GABRR3: variants seen among roughly 807,000 people sequenced by gnomAD.
The protein encoded by GABRR3 is gamma-aminobutyric acid receptor subunit rho-3.
In GABRR3, 29 loss-of-function variants were observed where a neutral mutation model predicts 43.2. That is an observed-to-expected ratio of 0.67 (90% CI 0.50 to 0.92). GABRR3 has a LOEUF of 0.92. Among genes scored for constraint, GABRR3 ranks in the 40% least tolerant of loss-of-function variants. The pLI is 0.00. For missense variants in GABRR3, 576 were observed against 572.3 expected (o/e 1.01, Z -0.07); for synonymous variants, 206 against 195.9 (o/e 1.05, Z -0.43).
intron 4 of GABRR3, among the ~76,000 whole-genome samples, chr3:98,013,276 T>C (rs1309081155): frequency 1.3e-5 from 2 of 152,230 alleles, no homozygotes; most frequent in Non-Finnish European, 2.9e-5. Flanking sequence ...TTGTTACTGT[T>C]TATTCTTACA....
At chr3:98,024,413 A>C (rs1285679655) in intron 3 of GABRR3, among the ~76,000 whole-genome samples, 2 of 151,292 alleles carry the variant, frequency 1.3e-5, no homozygotes, top group Non-Finnish European at 2.9e-5. Context: ...CATGGATTTC[A>C]GGAAATTGAA....
chr3:98,018,227 C>T (rs1014543210), intron 3 of GABRR3, among the ~76,000 whole-genome samples: 6 of 152,200 alleles, frequency 3.9e-5, no homozygotes, highest in Middle Eastern at 3.4e-3. Context: ...TCCATTTGTG[C>T]TGTGGTTGGT....
intron 9 of GABRR3, among the ~76,000 whole-genome samples, chr3:97,990,898 A>T (rs1706458378): frequency 6.6e-6 from 1 of 152,198 alleles, no homozygotes; most frequent in Non-Finnish European, 1.5e-5. Flanking sequence ...ACACTACTGA[A>T]CTGCACACTT....
At chr3:98,009,193 C>A (rs1487944395) in intron 5 of GABRR3, 155 bp from the exon 6 acceptor site, 2 of 158,072 alleles carry the variant, frequency 1.3e-5, no homozygotes, top group East Asian at 3.8e-4. Flanking sequence ...AAATGACATG[C>A]AAGGAAGCAA....
chr3:97,992,869 A>C, exon 9 of GABRR3: 1 of 1,609,204 alleles, frequency 6.2e-7, no homozygotes, highest in Non-Finnish European at 8.5e-7. Context: ...GTCTTCTTGA[A>C]TTGTTTCCGC....
intron 7 of GABRR3, among the ~76,000 whole-genome samples, chr3:98,007,281 A>G (rs1706733444): frequency 6.6e-6 from 1 of 152,012 alleles, no homozygotes; most frequent in South Asian, 2.1e-4. Context: ...AAAGCACCCC[A>G]GGCAGAGGGA....
chr3:98,007,904 T>A lies in GABRR3; in HGVS notation c.614A>T (p.Tyr205Phe), dbSNP rs770119331. 5 of 1,553,740 alleles carry A rather than the reference T, an allele frequency of 3.2e-6. No individual in the cohort carries two copies. In the South Asian group the frequency reaches 4.8e-5, roughly 15 times the overall value. ...CATTAGGTCATCCTCATTGTAGGCATCTAAAACATGAAAATATCAGTCTTG... is the reference window on the plus strand; with the variant it reads ...CATTAGGTCATCCTCATTGTAGGCAACTAAAACATGAAAATATCAGTCTTG... The change falls in exon 7 of 10, where the codon TAT becomes TTT. Residue 205 changes from tyrosine (Y) to phenylalanine (F), a missense_variant and splice_region_variant. Coordinates refer to ENST00000621172, the Ensembl canonical transcript of GABRR3.
At chr3:98,005,640 T>C in intron 7 of GABRR3, among the ~76,000 whole-genome samples, 1 of 152,132 alleles carries the variant, frequency 6.6e-6, no homozygotes, top group East Asian at 1.9e-4. Flanking sequence ...CTGGTAGGGC[T>C]CAAAAAGTCT....
In GABRR3 at chr3:98,025,757, G is replaced by T. The variant is rs113723245; in HGVS notation, c.126-78C>A. 1.3e-3 allele frequency: 1,143 copies of T among 885,910 alleles called. 10 individuals carry two copies. In the African/African-American group the frequency reaches 0.016, roughly 13 times the overall value. The allele number at this position is 885,910 out of a possible 1,614,324, so 54.9% of individuals were successfully genotyped here. A position where few individuals can be genotyped will look rare whatever the true frequency, so the allele number is the denominator to read the frequency against. ...ATTTTGATTTAGGTTAGCCATCTGT[G>T]CTCAACATAACATGTTCTGAAATAC... On this transcript the variant is annotated intron_variant, in intron 2 of 9. Transcript: ENST00000621172.
chr3:97,989,946 C>G (rs772775906), intron 9 of GABRR3, among the ~76,000 whole-genome samples: 15 of 152,148 alleles, frequency 9.9e-5, no homozygotes, highest in Non-Finnish European at 1.5e-5. Flanking sequence ...ACAACTGGCT[C>G]TCTCTCTAAT....
intron 8 of GABRR3, among the ~76,000 whole-genome samples, chr3:97,995,870 T>C (rs775639642): frequency 2.6e-5 from 4 of 152,114 alleles, no homozygotes; most frequent in Non-Finnish European, 4.4e-5. Context: ...CAAAGGAAGG[T>C]CATGTGTTTG....
intron 2 of GABRR3, among the ~76,000 whole-genome samples, chr3:98,028,506 A>G (rs1167752127): frequency 6.6e-6 from 1 of 152,220 alleles, no homozygotes; most frequent in Non-Finnish European, 1.5e-5. Flanking sequence ...TAAGAAAAGT[A>G]CAGCATCATC....
At position 98,007,811 on chromosome 3, in the gene GABRR3, A is replaced by G. The variant is rs776767286; in HGVS notation, c.707T>C (p.Ile236Thr). Residue 236 changes from isoleucine (I) to threonine (T), a missense_variant, in exon 7 of 10, where the codon ATT (isoleucine) becomes ACT (threonine). By Grantham distance (89) the Ile-to-Thr change is moderately conservative. Transcript: ENST00000621172. ...TCCACTAGATGCACTGAAGTCTTCA[A>G]TGAAGAACTGAGAAAGGGACATATG... is the stretch of plus-strand genomic sequence containing the variant. 1.4e-5 allele frequency: 23 copies of G among 1,613,298 alleles called. No homozygotes were observed. Among genetic ancestry groups the G allele is most frequent in the Admixed American group, 3.3e-5 (2 of 59,944 alleles).
chr3:98,004,308 T>C (rs563078089), intron 7 of GABRR3, among the ~76,000 whole-genome samples: 1 of 152,182 alleles, frequency 6.6e-6, no homozygotes, highest in Admixed American at 6.5e-5. Flanking sequence ...TATGACATCA[T>C]GTATCCTCAC....
chr3:98,022,806 T>C (rs1028987770), intron 3 of GABRR3, among the ~76,000 whole-genome samples: 3 of 152,176 alleles, frequency 2.0e-5, no homozygotes, highest in African/African-American at 7.2e-5. Flanking sequence ...CACATTTCAA[T>C]TGCATTTTTA....
chr3:98,002,777 G>T (rs932205927), intron 7 of GABRR3, among the ~76,000 whole-genome samples: 4 of 152,022 alleles, frequency 2.6e-5, no homozygotes, highest in African/African-American at 9.7e-5. Context: ...TCAAAACACA[G>T]GGACTATAGG....
At chr3:98,012,759 C>T (rs1239515611) in intron 4 of GABRR3, among the ~76,000 whole-genome samples, 192 bp from the exon 5 acceptor site, 1 of 151,978 alleles carries the variant, frequency 6.6e-6, no homozygotes. Context: ...TCACATGGAG[C>T]CTAGTGAACG....
At chr3:98,005,149 A>C (rs558165146) in intron 7 of GABRR3, among the ~76,000 whole-genome samples, 134 of 152,064 alleles carry the variant, frequency 8.8e-4, no homozygotes, top group Middle Eastern at 3.4e-3. Flanking sequence ...AAATTAAAAA[A>C]TACAAGTGTT....
At chr3:97,986,374 C>T (rs1359887236), downstream of GABRR3, among the ~76,000 whole-genome samples, 1 of 152,142 alleles carries the variant, frequency 6.6e-6, no homozygotes, top group Non-Finnish European at 1.5e-5. Flanking sequence ...CAGCTTTCTT[C>T]CCTAGTTAAA....
Sources: gnomAD v4.1 joint callset for allele counts (sites outside exome capture counted in the v4.1 genomes callset) on GRCh38, gnomAD v4.1.1 for gene constraint, MANE v1.5 for transcripts, NCBI Gene and HGNC (gene_info 2026-07-23, HGNC 2026-07-21) for gene names.